Variants in ZNF438 observed in about 807,000 individuals in gnomAD.
The protein encoded by ZNF438 is zinc finger protein 438.
A neutral mutation model predicts 38.0 loss-of-function variants in ZNF438; 25 were observed. The observed-to-expected ratio is 0.66, with a 90% confidence interval of 0.48 to 0.92. ZNF438 has a LOEUF of 0.92. ZNF438 is among the 40% of genes least tolerant of loss of function. The pLI is 0.00. For missense variants in ZNF438, 1,007 were observed against 999.6 expected (o/e 1.01, Z -0.10); for synonymous variants, 372 against 364.1 (o/e 1.02, Z -0.25).
chr10:31,022,730 G>A lies in ZNF438; in HGVS notation c.-192+9103C>T, dbSNP rs556290767. Among the ~76,000 whole-genome samples, 12 of 152,234 alleles carry A rather than the reference G, an allele frequency of 7.9e-5. 1 individual carries two copies. In the South Asian group the frequency reaches 2.1e-3, roughly 26 times the overall value. On this transcript the variant is annotated intron_variant, in intron 1 of 5. Coordinates refer to ENST00000413025, the Ensembl canonical transcript of ZNF438. ...CCGCACGACACACAACAAACGCTTCGAAAGCTGAATGCATTGAGCTATGAA... is the reference window on the plus strand; with the variant it reads ...CCGCACGACACACAACAAACGCTTCAAAAGCTGAATGCATTGAGCTATGAA...
chr10:31,006,540 G>A lies in ZNF438; in HGVS notation c.-192+25293C>T, dbSNP rs188661354. ...TACCCTTTATAATAAACCAGTAGAT[G>A]TGTTTTCCTAAGTTCTGTGAGCCCT... On this transcript the variant is annotated intron_variant, in intron 1 of 5. Transcript: ENST00000413025. Among the ~76,000 whole-genome samples the A allele has an allele frequency of 2.6e-5, 4 of 152,232 alleles. No homozygotes were observed. In the East Asian group the frequency reaches 7.7e-4, roughly 29 times the overall value.
intron 3 of ZNF438, among the ~76,000 whole-genome samples, chr10:30,898,036 A>G (rs1200119304): frequency 6.6e-6 from 1 of 152,234 alleles, no homozygotes; most frequent in African/African-American, 2.4e-5. Flanking sequence ...TTGCTGCTGT[A>G]AATTCACTAA....
chr10:30,990,814 A>G (rs981529341), intron 1 of ZNF438, among the ~76,000 whole-genome samples: 2 of 152,214 alleles, frequency 1.3e-5, no homozygotes, highest in Non-Finnish European at 2.9e-5. Flanking sequence ...GTAAAGATTA[A>G]GAATCTATAA....
chr10:30,903,011 G>A (rs2042203597), intron 3 of ZNF438, among the ~76,000 whole-genome samples: 1 of 152,194 alleles, frequency 6.6e-6, no homozygotes, highest in African/African-American at 2.4e-5. Context: ...TGGGGGACCG[G>A]ATGCACCCTC....
chr10:30,949,578 A>T (rs1227590473), intron 1 of ZNF438, among the ~76,000 whole-genome samples: 1 of 152,168 alleles, frequency 6.6e-6, no homozygotes, highest in South Asian at 2.1e-4. Context: ...AATGGAAAAC[A>T]AAAAAAGGCA....
chr10:30,849,974 C>T lies in ZNF438; in HGVS notation c.431G>A (p.Ser144Asn), dbSNP rs571785571. The T allele has an allele frequency of 4.3e-6, 7 of 1,614,096 alleles. No homozygotes were observed. The South Asian group carries it at 7.7e-5, about 18-fold the overall frequency. Reference sequence around the variant, plus strand: ...TTGGGCAGGAGCTTTGCTACAGCCACTCTTAGGAAAGATCAGGATGGGTTT... The same window carrying T: ...TTGGGCAGGAGCTTTGCTACAGCCATTCTTAGGAAAGATCAGGATGGGTTT... The change falls in exon 5 of 6, where the codon AGT becomes AAT. Residue 144 changes from serine to asparagine, a missense_variant. Transcript: ENST00000413025.
At chr10:30,984,426 T>C (rs1159112543) in intron 1 of ZNF438, 1 of 152,172 alleles carries the variant, frequency 6.6e-6, no homozygotes, top group African/African-American at 2.4e-5. Flanking sequence ...TTTAATTAAT[T>C]CTGTAACAAT....
chr10:30,968,012 G>T (rs1022304800), intron 1 of ZNF438, among the ~76,000 whole-genome samples: 11 of 152,132 alleles, frequency 7.2e-5, no homozygotes, highest in African/African-American at 2.7e-4. Context: ...GGGAAAAAAA[G>T]ACATTTTATA....
chr10:30,911,423 T>C (rs1254105365), intron 2 of ZNF438, among the ~76,000 whole-genome samples: 1 of 152,188 alleles, frequency 6.6e-6, no homozygotes, highest in Non-Finnish European at 1.5e-5. Context: ...TTTAAATCAC[T>C]ACAGATGTTT....
chr10:30,957,250 T>C (rs1045919689), intron 1 of ZNF438, among the ~76,000 whole-genome samples: 3 of 152,226 alleles, frequency 2.0e-5, no homozygotes, highest in African/African-American at 7.2e-5. Flanking sequence ...TGCTTGCTTT[T>C]TGCTATTGAG....
chr10:30,993,304 T>C (rs575515187), intron 1 of ZNF438, among the ~76,000 whole-genome samples: 38 of 152,330 alleles, frequency 2.5e-4, no homozygotes, highest in Admixed American at 4.6e-4. Context: ...AATGGTTTTG[T>C]GGGAGCCCAT....
In ZNF438 at chr10:31,007,569, C is replaced by T. The variant is rs539948939; in HGVS notation, c.-192+24264G>A. 1.1e-4 allele frequency among the ~76,000 whole-genome samples: 16 copies of T among 152,232 alleles called. 1 individual carries two copies. Among genetic ancestry groups the T allele is most frequent in the African/African-American group, 3.6e-4 (15 of 41,560 alleles). ...TGCTGGGATTACAGGCGTTAGCCAC[C>T]GCGCCCGGCCAGATCTTTTGTTTTT... On this transcript the variant is annotated intron_variant, in intron 1 of 5. Transcript: ENST00000413025.
intron 3 of ZNF438, among the ~76,000 whole-genome samples, chr10:30,878,777 T>A (rs924674630): frequency 1.3e-5 from 2 of 152,182 alleles, no homozygotes; most frequent in Non-Finnish European, 2.9e-5. Context: ...TGCATGGAGC[T>A]TGCTCCTGCC....
At chr10:30,966,562 C>T (rs772021928) in intron 1 of ZNF438, among the ~76,000 whole-genome samples, 6 of 150,192 alleles carry the variant, frequency 4.0e-5, no homozygotes, top group Admixed American at 6.7e-5. Flanking sequence ...CTCAGCTACT[C>T]GGGAGGCTGA....
intron 4 of ZNF438, among the ~76,000 whole-genome samples, chr10:30,864,544 A>G (rs1238020747): frequency 6.6e-6 from 1 of 152,194 alleles, no homozygotes; most frequent in East Asian, 1.9e-4. Flanking sequence ...GTGAGCTCCA[A>G]AAGAGCAGGG....
chr10:30,846,315 G>A (rs1384438838), intron 5 of ZNF438, among the ~76,000 whole-genome samples: 2 of 152,242 alleles, frequency 1.3e-5, no homozygotes, highest in African/African-American at 4.8e-5. Flanking sequence ...GGCTAGTCCT[G>A]AGAGTGTCAG....
chr10:30,930,851 T>TAAAAAAA (rs5784228), intron 2 of ZNF438, among the ~76,000 whole-genome samples: 1 of 129,182 alleles, frequency 7.7e-6, no homozygotes, highest in Non-Finnish European at 1.6e-5. Flanking sequence ...GGTTCTTTCC[T>TAAAAAAA]AAAACCAGAA....
rs141559239 is a variant in ZNF438 at position 31,027,574 on chromosome 10, A to G, written c.-192+4259T>C. Among the ~76,000 whole-genome samples, 31 of 152,290 alleles carry G rather than the reference A, an allele frequency of 2.0e-4. 1 individual carries two copies. The East Asian group carries it at 4.0e-3, about 20-fold the overall frequency. ...TCACTGTGCCTGAACTTAAAAGTCA[A>G]TAACACCTGAGCATCAATAGGCTAT... On this transcript the variant is annotated intron_variant, in intron 1 of 5. Coordinates refer to ENST00000413025, the Ensembl canonical transcript of ZNF438.
Position 30,909,246 on chromosome 10 carries a change from A to C in ZNF438, c.-114-231T>G, listed in dbSNP as rs151211113. On this transcript the variant is annotated intron_variant, in intron 2 of 5. Transcript: ENST00000413025. ...TATACATGAATATGACTTAAATACT[A>C]TCTCTTGAATTATATGAAGTTACAA... 1.2e-4 allele frequency among the ~76,000 whole-genome samples: 18 copies of C among 152,326 alleles called. No individual in the cohort carries two copies. The East Asian group carries it at 2.1e-3, about 18-fold the overall frequency.
Sources: allele counts gnomAD v4.1 joint callset (sites outside exome capture counted in the v4.1 genomes callset), GRCh38; gene constraint gnomAD v4.1.1; transcripts MANE v1.5; gene names NCBI Gene and HGNC (gene_info 2026-07-23, HGNC 2026-07-21).